Variants in SFMBT2 observed in about 807,000 individuals in gnomAD.
SFMBT2 encodes the protein scm-like with four MBT domains protein 2.
A neutral mutation model predicts 110.1 loss-of-function variants in SFMBT2; 38 were observed. The ratio of observed to expected loss-of-function variants is 0.35; its 90% CI spans 0.27 to 0.45. The LOEUF is 0.45. Among genes scored for constraint, SFMBT2 ranks in the 20% least tolerant of loss-of-function variants. The pLI, the probability that SFMBT2 is intolerant of heterozygous loss-of-function variation, is 1.00. For synonymous variants in SFMBT2, 425 were observed against 425.4 expected, an observed-to-expected ratio of 1.00 and a Z score of 0.01; for missense variants, 1,011 against 1,094.9, an observed-to-expected ratio of 0.92 and a Z score of 1.08.
At chr10:7,236,279 T>C (rs1416766167) in intron 9 of SFMBT2, among the ~76,000 whole-genome samples, 5 of 152,106 alleles carry the variant, frequency 3.3e-5, no homozygotes, top group African/African-American at 1.2e-4. Flanking sequence ...AATGGGACTC[T>C]TTATAGAACC....
At chr10:7,190,495 G>A (rs183316632) in intron 15 of SFMBT2, among the ~76,000 whole-genome samples, 43 of 152,266 alleles carry the variant, frequency 2.8e-4, no homozygotes, top group African/African-American at 8.9e-4. Flanking sequence ...GAAAAGCATC[G>A]GATATTGAAT....
intron 1 of SFMBT2, among the ~76,000 whole-genome samples, chr10:7,388,362 T>TGATGATGAA (rs1845675355): frequency 6.6e-6 from 1 of 151,298 alleles, no homozygotes; most frequent in Admixed American, 6.6e-5. Context: ...ATGATGATGA[T>TGATGATGAA]GATGATGATT....
At chr10:7,190,823 A>T (rs1310890900) in intron 15 of SFMBT2, among the ~76,000 whole-genome samples, 2 of 152,070 alleles carry the variant, frequency 1.3e-5, no homozygotes, top group African/African-American at 2.4e-5. Context: ...TTTGGCTGTG[A>T]CCCCACCCAA....
At chr10:7,378,638 A>ATGGATGGG (rs1845337485) in intron 2 of SFMBT2, among the ~76,000 whole-genome samples, 1 of 87,982 alleles carries the variant, frequency 1.1e-5, no homozygotes, top group African/African-American at 4.6e-5. Context: ...GGATGGGTGG[A>ATGGATGGG]TGGATGGGTG....
At chr10:7,368,046 C>G (rs1844958892) in intron 3 of SFMBT2, among the ~76,000 whole-genome samples, 157 bp from the exon 4 acceptor site, 1 of 152,138 alleles carries the variant, frequency 6.6e-6, no homozygotes, top group Admixed American at 6.5e-5. Flanking sequence ...ATGGAAGCCA[C>G]AAACGTAATG....
chr10:7,198,229 T>C (rs1288587249), intron 14 of SFMBT2: 2 of 795,924 alleles, frequency 2.5e-6, no homozygotes, highest in Admixed American at 6.2e-5. Flanking sequence ...TAAATGCGGA[T>C]CTAGAAAGTT....
At chr10:7,326,839 C>T (rs999354077) in intron 4 of SFMBT2, among the ~76,000 whole-genome samples, 3 of 152,146 alleles carry the variant, frequency 2.0e-5, no homozygotes, top group Admixed American at 1.3e-4. Flanking sequence ...CCAAAGCAAC[C>T]GCTCTTTTGC....
chr10:7,399,898 C>T (rs1018605867), intron 1 of SFMBT2, among the ~76,000 whole-genome samples: 1 of 152,204 alleles, frequency 6.6e-6, no homozygotes, highest in Non-Finnish European at 1.5e-5. Flanking sequence ...AACAATAGAG[C>T]ATCCACTAGG....
chr10:7,407,820 G>A (rs560284732), intron 1 of SFMBT2, among the ~76,000 whole-genome samples: 1 of 152,320 alleles, frequency 6.6e-6, no homozygotes, highest in Non-Finnish European at 1.5e-5. Flanking sequence ...ACCGGTGTCC[G>A]TGGCTATTGC....
chr10:7,353,422 A>C (rs891476405), intron 4 of SFMBT2, among the ~76,000 whole-genome samples: 7 of 152,148 alleles, frequency 4.6e-5, no homozygotes, highest in Non-Finnish European at 8.8e-5. Context: ...CGGAAACAGA[A>C]ACTCAGCAAA....
At chr10:7,252,762 T>G (rs979357021) in intron 7 of SFMBT2, among the ~76,000 whole-genome samples, 4 of 152,156 alleles carry the variant, frequency 2.6e-5, no homozygotes, top group Non-Finnish European at 5.9e-5. Context: ...GTGTGGTAAA[T>G]GTATATTGGT....
At chr10:7,340,631 G>A (rs72775551) in intron 4 of SFMBT2, among the ~76,000 whole-genome samples, 10,624 of 146,794 alleles carry the variant, frequency 0.072, 511 homozygotes, top group Non-Finnish European at 0.11. Context: ...ACTCCAGCCC[G>A]GGCAACAGAA....
intron 3 of SFMBT2, chr10:7,368,415 C>T (rs1844969845): frequency 1.0e-6 from 1 of 964,508 alleles, no homozygotes; most frequent in East Asian, 1.1e-4. Flanking sequence ...GCTTTCCAGC[C>T]TGGTGGGTCT....
intron 7 of SFMBT2, among the ~76,000 whole-genome samples, chr10:7,274,050 C>T (rs367822226): frequency 1.3e-5 from 2 of 152,166 alleles, no homozygotes; most frequent in Non-Finnish European, 2.9e-5. Flanking sequence ...CAGTGATAGA[C>T]TGGATTAAGA....
chr10:7,218,667 A>G (rs1839621117), intron 11 of SFMBT2, among the ~76,000 whole-genome samples: 1 of 152,208 alleles, frequency 6.6e-6, no homozygotes, highest in Non-Finnish European at 1.5e-5. Context: ...GCTGACTTCT[A>G]TTTCTTTGCT....
chr10:7,191,668 G>A lies in SFMBT2; in HGVS notation c.1699-2935C>T, dbSNP rs192083389. Among the ~76,000 whole-genome samples the A allele has an allele frequency of 1.7e-4, 26 of 152,244 alleles. No individual in the cohort carries two copies. In the East Asian group the frequency reaches 1.9e-3, roughly 11 times the overall value. ...CTTATTATTAGTATAGGATTATTCC[G>A]TAATTGGCTTATTTGTTCACCATCC... On this transcript the variant is annotated intron_variant, in intron 15 of 20. Transcript: ENST00000397167.
intron 4 of SFMBT2, among the ~76,000 whole-genome samples, chr10:7,331,789 A>C (rs1309393371): frequency 6.6e-6 from 1 of 152,044 alleles, no homozygotes; most frequent in African/African-American, 2.4e-5. Context: ...GGTTCACCTG[A>C]GGTCAGGAGT....
intron 7 of SFMBT2, among the ~76,000 whole-genome samples, chr10:7,250,703 G>A (rs1448964356): frequency 6.6e-6 from 1 of 152,202 alleles, no homozygotes; most frequent in East Asian, 1.9e-4. Flanking sequence ...CACCAGCAGT[G>A]TGTAAGTGTT....
chr10:7,171,900 T>A lies in SFMBT2; in HGVS notation c.2410A>T (p.Thr804Ser). ...TCCCCACGCCCGGGCATCACCTCTG[T>A]CCCCTCGGGCTTGGTCGGCGGGCAC... ...EKCPPTKPEG[T>S]EDTKQEEEER... is the part of the protein sequence containing the mutation. The change falls in exon 19 of 21, where the codon ACA (threonine) becomes TCA (serine). Residue 804 changes from threonine to serine, a missense_variant. Transcript: ENST00000397167. This position sits in a 1 kb window ranked among gnomAD's most constrained non-coding sequence, Gnocchi z 4.9. The A allele has an allele frequency of 7.0e-7, 1 of 1,431,924 alleles. No homozygotes were observed. The highest frequency in any genetic ancestry group is 9.1e-7 in the Non-Finnish European group (1 of 1,095,880). The allele number at this position is 1,431,924 out of a possible 1,614,324, so 88.7% of individuals were successfully genotyped here. A position where few individuals can be genotyped will look rare whatever the true frequency, so the allele number is the denominator to read the frequency against.
Sources: allele counts gnomAD v4.1 joint callset (sites outside exome capture counted in the v4.1 genomes callset), GRCh38; gene constraint gnomAD v4.1.1; non-coding constraint Gnocchi (gnomAD v3.1); transcripts MANE v1.5; gene names NCBI Gene and HGNC (gene_info 2026-07-23, HGNC 2026-07-21).